Variants in TPP2 observed in about 807,000 individuals in gnomAD.
The protein encoded by TPP2 is tripeptidyl-peptidase 2.
A neutral mutation model predicts 155.9 loss-of-function variants in TPP2; 34 were observed. That is an observed-to-expected ratio of 0.22 (90% confidence interval 0.17 to 0.29). The LOEUF (loss-of-function observed/expected upper bound fraction) is 0.29, where lower values mean the gene tolerates loss of function less well. Ranked by LOEUF, TPP2 falls within the 10% of genes least tolerant of loss-of-function variation. The pLI, the probability that TPP2 is intolerant of heterozygous loss-of-function variation, is 1.00. For missense variants in TPP2, 1,028 were observed against 1,522.3 expected, an observed-to-expected ratio of 0.68 and a Z score of 5.40; for synonymous variants, 510 against 529.4, an observed-to-expected ratio of 0.96 and a Z score of 0.50.
chr13:102,602,486 T>C (rs1465492115), intron 1 of TPP2, among the ~76,000 whole-genome samples: 1 of 152,116 alleles, frequency 6.6e-6, no homozygotes. Context: ...TTACCATACA[T>C]GAAAATAACA....
Position 102,614,207 on chromosome 13 carries a change from A to T in TPP2, c.390+11A>T. 1 of 1,585,884 alleles carries T rather than the reference A, an allele frequency of 6.3e-7. No individual in the cohort carries two copies. The highest frequency in any genetic ancestry group is 8.6e-7 in the Non-Finnish European group (1 of 1,161,148). ...AAGGAAAGGATACAGGTAATGTACA[A>T]TCTGGTACCAATGAGTTGTATTCTT... On this transcript the variant is annotated intron_variant, in intron 3 of 29. Transcript: ENST00000376052.
Position 102,660,902 on chromosome 13 carries a change from A to G in TPP2, c.3144-2746A>G, listed in dbSNP as rs568925776. Among the ~76,000 whole-genome samples the G allele has an allele frequency of 5.9e-5, 9 of 152,316 alleles. No homozygotes were observed. In the East Asian group the frequency reaches 1.5e-3, roughly 26 times the overall value. On this transcript the variant is annotated intron_variant, in intron 25 of 29. Transcript: ENST00000376052. ...GACCATTTAATGAGGAAAGGATAGT[A>G]TTTGCAGCAAAGGGTGCTGGGACTG...
intron 15 of TPP2, among the ~76,000 whole-genome samples, chr13:102,639,899 A>G (rs1040065580): frequency 6.6e-6 from 1 of 152,236 alleles, no homozygotes; most frequent in East Asian, 1.9e-4. Context: ...TACCAGTGAC[A>G]TAAAACTTTA....
Position 102,647,252 on chromosome 13 carries a change from C to T in TPP2, c.2536C>T (p.Leu846=), listed in dbSNP as rs1429761771. ...VTPSCPLLCE[L]LYESEFDSQL... ...TCCAAGCTGCCCACTACTTTGTGAACTATTATATGAATCTGAATTTGACAG... is the reference window on the plus strand; with the variant it reads ...TCCAAGCTGCCCACTACTTTGTGAATTATTATATGAATCTGAATTTGACAG... The change falls in exon 21 of 30, where the codon CTA becomes TTA. Residue 846 remains leucine (L), a synonymous_variant. Coordinates refer to ENST00000376052, the MANE Select transcript of TPP2 (RefSeq NM_001330588.2). 10 of 1,613,678 alleles carry T rather than the reference C, an allele frequency of 6.2e-6. No homozygotes were observed. The highest frequency in any genetic ancestry group is 4.5e-5 in the East Asian group (2 of 44,814).
In TPP2 at chr13:102,679,581, C is replaced by T. The variant is rs181026475; in HGVS notation, c.*1265C>T. The stretch of plus-strand genomic sequence containing the variant: ...TGCTGTATCTCATGAAGTGTTAGAG[C>T]GTTTATGAGAAACATAAATACATGT... On this transcript the variant is annotated 3_prime_UTR_variant, in exon 30 of 30. Transcript: ENST00000376052. 1.3e-5 allele frequency: 2 copies of T among 152,244 alleles called. No homozygotes were observed. The highest frequency in any genetic ancestry group is 1.9e-4 in the East Asian group (1 of 5,180). 9.4% of individuals were successfully genotyped at this position (152,244 alleles called of 1,614,324 possible).
intron 12 of TPP2, 140 bp from the exon 13 acceptor site, chr13:102,636,083 TG>T: frequency 1.4e-6 from 1 of 722,412 alleles, no homozygotes; most frequent in Non-Finnish European, 2.2e-6. Context: ...TCCTCTTAGT[TG>T]GGGTACTAGG....
chr13:102,629,461 A>G (rs749935618), intron 8 of TPP2, 21 bp from the exon 9 acceptor site: 1 of 1,478,962 alleles, frequency 6.8e-7, no homozygotes, highest in Non-Finnish European at 8.9e-7. Context: ...TATATGTTCA[A>G]AGGAATTCTC....
intron 26 of TPP2, 61 bp downstream of exon 26, chr13:102,663,805 G>A: frequency 8.0e-7 from 1 of 1,251,170 alleles, no homozygotes; most frequent in African/African-American, 1.6e-5. Flanking sequence ...TTTGTGTTTT[G>A]AGGAAAAGTG....
At chr13:102,661,161 C>T (rs1268005555) in intron 25 of TPP2, among the ~76,000 whole-genome samples, 1 of 150,514 alleles carries the variant, frequency 6.6e-6, no homozygotes, top group African/African-American at 2.5e-5. Flanking sequence ...GTGCTTTTAG[C>T]ATAGCATCAA....
intron 6 of TPP2, among the ~76,000 whole-genome samples, chr13:102,624,725 C>A (rs1175276237): frequency 6.6e-6 from 1 of 152,078 alleles, no homozygotes; most frequent in Middle Eastern, 3.2e-3. Context: ...GTTTGTTTAT[C>A]CAGCTTCCCA....
chr13:102,640,276 T>C lies in TPP2; in HGVS notation c.1920T>C (p.Asn640=). Residue 640 remains asparagine, a synonymous_variant, in exon 16 of 30, where the codon AAT becomes AAC. Transcript: ENST00000376052. ...TACTTTTATTAATTTTCAGAGTAAA[T>C]GAATCATCACATTATGATCTAGCCT... ...PITAVIAAKV[N]ESSHYDLAFT... is the part of the protein sequence containing the mutation. 6.3e-7 allele frequency: 1 copy of C among 1,594,974 alleles called. No homozygotes were observed. The highest frequency in any genetic ancestry group is 8.6e-7 in the Non-Finnish European group (1 of 1,168,060).
chr13:102,640,254 T>C lies in TPP2; in HGVS notation c.1914-16T>C, dbSNP rs757410725. The C allele has an allele frequency of 1.3e-6, 2 of 1,536,852 alleles. No homozygotes were observed. Among genetic ancestry groups the C allele is most frequent in the South Asian group, 2.4e-5 (2 of 82,812 alleles). Reference sequence around the variant, plus strand: ...ATAATAAATATATACATTTAATTACTTTTATTAATTTTCAGAGTAAATGAA... The same window carrying C: ...ATAATAAATATATACATTTAATTACCTTTATTAATTTTCAGAGTAAATGAA... On this transcript the variant is annotated splice_polypyrimidine_tract_variant and intron_variant, in intron 15 of 29. Coordinates refer to ENST00000376052, the MANE Select transcript of TPP2 (RefSeq NM_001330588.2).
chr13:102,612,664 G>A (rs1880410951), intron 2 of TPP2, among the ~76,000 whole-genome samples: 1 of 152,112 alleles, frequency 6.6e-6, no homozygotes, highest in South Asian at 2.1e-4. Context: ...TGTAATTTTT[G>A]TAACTAGTCT....
intron 27 of TPP2, among the ~76,000 whole-genome samples, chr13:102,669,215 C>T (rs1330272641): frequency 6.6e-6 from 1 of 152,134 alleles, no homozygotes; most frequent in African/African-American, 2.4e-5. Flanking sequence ...AAGGCTTCTG[C>T]CAGTAGTGTT....
intron 11 of TPP2, among the ~76,000 whole-genome samples, chr13:102,634,524 A>C (rs1368509437): frequency 6.6e-6 from 1 of 152,202 alleles, no homozygotes; most frequent in East Asian, 1.9e-4. Flanking sequence ...AGGATTAAAT[A>C]GAGTGGCACT....
At position 102,651,361 on chromosome 13, in the gene TPP2, G is replaced by T; in HGVS notation, c.2955G>T (p.Gly985=). 6.3e-7 allele frequency: 1 copy of T among 1,582,258 alleles called. No individual in the cohort carries two copies. ...LSKTELGKKA[G]QSAAKRQGKF... is the part of the protein sequence containing the mutation. Reference sequence around the variant, plus strand: ...CAGAATGTCGTTCTAACTCCCAGGGGCAGTCTGCAGCAAAACGACAAGGAA... The same window carrying T: ...CAGAATGTCGTTCTAACTCCCAGGGTCAGTCTGCAGCAAAACGACAAGGAA... The change falls in exon 24 of 30, where the codon GGG becomes GGT. Residue 985 remains glycine (G), a splice_region_variant and synonymous_variant. Coordinates refer to ENST00000376052, the MANE Select transcript of TPP2 (RefSeq NM_001330588.2).
At chr13:102,625,354 C>CG (rs1881533051) in intron 6 of TPP2, among the ~76,000 whole-genome samples, 1 of 151,282 alleles carries the variant, frequency 6.6e-6, no homozygotes, top group Non-Finnish European at 1.5e-5. Flanking sequence ...TTAGTAGAGA[C>CG]GGGGTTTCAC....
chr13:102,625,699 C>T (rs997379544), intron 6 of TPP2, among the ~76,000 whole-genome samples: 10 of 152,180 alleles, frequency 6.6e-5, no homozygotes, highest in African/African-American at 1.4e-4. Flanking sequence ...CAACATTGGG[C>T]GAATGTTTTC....
chr13:102,614,989 T>C (rs1304786057), intron 3 of TPP2, among the ~76,000 whole-genome samples: 1 of 152,144 alleles, frequency 6.6e-6, no homozygotes, highest in Non-Finnish European at 1.5e-5. Flanking sequence ...AAGTACCTAA[T>C]ACAAGTCCAG....
Sources: allele counts gnomAD v4.1 joint callset (sites outside exome capture counted in the v4.1 genomes callset), GRCh38; gene constraint gnomAD v4.1.1; transcripts MANE v1.5; gene names NCBI Gene and HGNC (gene_info 2026-07-23, HGNC 2026-07-21).